Variants in KCNH5 observed in about 807,000 individuals in gnomAD.
The protein encoded by KCNH5 is voltage-gated delayed rectifier potassium channel KCNH5.
KCNH5 carries 46 observed loss-of-function variants against 96.1 expected under a neutral mutation model. The ratio of observed to expected loss-of-function variants is 0.48; its 90% CI spans 0.38 to 0.61. The LOEUF (loss-of-function observed/expected upper bound fraction) is 0.61. Among genes scored for constraint, KCNH5 ranks in the 20% least tolerant of loss-of-function variants. The probability of loss-of-function intolerance (pLI) is 0.00; values close to 1 mark genes in which losing one functional copy is unlikely to be tolerated. For synonymous variants in KCNH5, 439 were observed against 449.8 expected, an observed-to-expected ratio of 0.98 and a Z score of 0.30; for missense variants, 907 against 1,225.8, an observed-to-expected ratio of 0.74 and a Z score of 3.88.
chr14:62,797,485 G>A (rs1270916753), intron 9 of KCNH5, among the ~76,000 whole-genome samples: 2 of 152,066 alleles, frequency 1.3e-5, no homozygotes, highest in Non-Finnish European at 1.5e-5. Context: ...ATGATTTTCT[G>A]GAACTTGGGA....
At chr14:62,850,025 A>T (rs1244278940) in intron 7 of KCNH5, among the ~76,000 whole-genome samples, 173 bp from the exon 8 acceptor site, 1 of 152,188 alleles carries the variant, frequency 6.6e-6, no homozygotes, top group Non-Finnish European at 1.5e-5. Context: ...AGAAAACATT[A>T]CCTGCAGTAG....
chr14:62,737,116 C>T (rs907129370), intron 10 of KCNH5, among the ~76,000 whole-genome samples: 1 of 152,158 alleles, frequency 6.6e-6, no homozygotes, highest in African/African-American at 2.4e-5. Flanking sequence ...CAACCCTCCA[C>T]AAATGCTTGA....
chr14:62,999,042 T>C (rs1245985762), intron 4 of KCNH5, among the ~76,000 whole-genome samples: 2 of 152,174 alleles, frequency 1.3e-5, no homozygotes, highest in Non-Finnish European at 2.9e-5. Context: ...GTCCTTTGGG[T>C]ATATACCCTG....
At chr14:62,867,846 C>T (rs1186390042) in intron 7 of KCNH5, among the ~76,000 whole-genome samples, 1 of 152,186 alleles carries the variant, frequency 6.6e-6, no homozygotes, top group Non-Finnish European at 1.5e-5. Context: ...AACATGCTTA[C>T]ATGGTTCCCA....
chr14:62,861,600 GT>G (rs375817067), intron 7 of KCNH5, among the ~76,000 whole-genome samples: 153 of 149,948 alleles, frequency 1.0e-3, no homozygotes, highest in Middle Eastern at 6.8e-3. Flanking sequence ...CCTATGTTAA[GT>G]TAGGAAAAGG....
chr14:63,015,325 T>G (rs1566541806), intron 2 of KCNH5, among the ~76,000 whole-genome samples: 1 of 152,106 alleles, frequency 6.6e-6, no homozygotes, highest in East Asian at 1.9e-4. Flanking sequence ...AAAACCTATT[T>G]AAGTGATTGC....
At chr14:62,738,209 G>A (rs1595600591) in intron 10 of KCNH5, among the ~76,000 whole-genome samples, 3 of 152,254 alleles carry the variant, frequency 2.0e-5, no homozygotes, top group Admixed American at 1.3e-4. Flanking sequence ...GCCAGATGAA[G>A]AGATGATTCC....
At position 62,978,282 on chromosome 14, in the gene KCNH5, T is replaced by C. The variant is rs377180072; in HGVS notation, c.942+2590A>G. ...TCGAGAAGAGATGGTAACAATAGGC[T>C]TTCTAAAGCCAGGAGCTGGACCCAG... On this transcript the variant is annotated intron_variant, in intron 6 of 10. Coordinates refer to ENST00000322893, the MANE Select transcript of KCNH5 (RefSeq NM_139318.5). Among the ~76,000 whole-genome samples, 45 of 152,254 alleles carry C rather than the reference T, an allele frequency of 3.0e-4. No homozygotes were observed. In the South Asian group the frequency reaches 9.3e-3, roughly 32 times the overall value.
intron 7 of KCNH5, among the ~76,000 whole-genome samples, chr14:62,885,961 T>G (rs1029463096): frequency 6.6e-6 from 1 of 152,148 alleles, no homozygotes; most frequent in African/African-American, 2.4e-5. Context: ...AGGAAAATAT[T>G]TATAGCCCCA....
intron 9 of KCNH5, among the ~76,000 whole-genome samples, chr14:62,783,442 TG>T (rs1255877204): frequency 1.3e-5 from 2 of 152,246 alleles, no homozygotes; most frequent in Non-Finnish European, 2.9e-5. Flanking sequence ...CTTTCCATAC[TG>T]GATTTTTCCT....
Position 62,971,962 on chromosome 14 carries a change from A to G in KCNH5, c.942+8910T>C, listed in dbSNP as rs116681085. On this transcript the variant is annotated intron_variant, in intron 6 of 10. Transcript: ENST00000322893. ...TGAGTATGACAATGACTTTATAGAT[A>G]CAACACCAAAGGCACAATCCATGAA... is the stretch of plus-strand genomic sequence containing the variant. Among the ~76,000 whole-genome samples the G allele has an allele frequency of 5.8e-3, 884 of 152,306 alleles. 11 individuals are homozygous for G. Among genetic ancestry groups the G allele is most frequent in the African/African-American group, 0.018 (739 of 41,590 alleles).
intron 10 of KCNH5, among the ~76,000 whole-genome samples, chr14:62,759,941 T>C (rs994949668): frequency 1.3e-5 from 2 of 152,150 alleles, no homozygotes; most frequent in African/African-American, 4.8e-5. Context: ...GCACTTTTCT[T>C]TTCTCCCCAC....
intron 7 of KCNH5, among the ~76,000 whole-genome samples, chr14:62,866,230 G>A (rs1274638034): frequency 2.0e-5 from 3 of 152,094 alleles, no homozygotes; most frequent in Non-Finnish European, 2.9e-5. Context: ...AAACCTGCAA[G>A]GTTCACAAAA....
intron 7 of KCNH5, among the ~76,000 whole-genome samples, chr14:62,926,515 T>A (rs1010655464): frequency 1.8e-4 from 28 of 152,092 alleles, no homozygotes; most frequent in South Asian, 6.2e-4. Flanking sequence ...TGAGCTACCA[T>A]AACAAAAAGA....
At chr14:62,817,110 G>A (rs9635239) in intron 8 of KCNH5, among the ~76,000 whole-genome samples, 83,050 of 135,898 alleles carry the variant, frequency 0.61, 25,331 homozygotes, top group South Asian at 0.82. Context: ...AATTATATAT[G>A]ACATAATATA....
intron 10 of KCNH5, among the ~76,000 whole-genome samples, chr14:62,750,049 A>G (rs1885462889): frequency 6.6e-6 from 1 of 152,154 alleles, no homozygotes; most frequent in African/African-American, 2.4e-5. Flanking sequence ...GTGTCAATGA[A>G]CACTAATAAA....
At chr14:62,951,670 G>A (rs1312425623) in intron 6 of KCNH5, among the ~76,000 whole-genome samples, 2 of 152,102 alleles carry the variant, frequency 1.3e-5, no homozygotes, top group Non-Finnish European at 2.9e-5. Flanking sequence ...AGTTAAGAAG[G>A]AAACAGTTGG....
At chr14:62,807,700 T>TA in intron 8 of KCNH5, among the ~76,000 whole-genome samples, 1 of 152,122 alleles carries the variant, frequency 6.6e-6, no homozygotes, top group Non-Finnish European at 1.5e-5. Flanking sequence ...AGATTTTATA[T>TA]AAAAAAGGAT....
intron 8 of KCNH5, among the ~76,000 whole-genome samples, chr14:62,831,077 G>A (rs532139754): frequency 1.4e-4 from 21 of 152,128 alleles, no homozygotes; most frequent in South Asian, 1.2e-3. Flanking sequence ...TTGATCCACC[G>A]GCCTCAGTCC....
Sources: allele counts gnomAD v4.1 joint callset (sites outside exome capture counted in the v4.1 genomes callset), GRCh38; gene constraint gnomAD v4.1.1; transcripts MANE v1.5; gene names NCBI Gene and HGNC (gene_info 2026-07-23, HGNC 2026-07-21).